Variants in NLGN4X observed in about 807,000 individuals in gnomAD.
The protein encoded by NLGN4X is neuroligin 4 X-linked.
Under a neutral mutation model 40.3 loss-of-function variants are expected in NLGN4X, and 3 were observed. The observed-to-expected ratio is 0.07, with a 90% CI of 0.03 to 0.19. The LOEUF (loss-of-function observed/expected upper bound fraction) is 0.19. NLGN4X is among the 10% of genes least tolerant of loss of function. The pLI, the probability that NLGN4X is intolerant of heterozygous loss-of-function variation, is 1.00. For missense variants in NLGN4X, 382 were observed against 708.3 expected, an observed-to-expected ratio of 0.54 and a Z score of 5.23; for synonymous variants, 270 against 306.8, an observed-to-expected ratio of 0.88 and a Z score of 1.25.
intron 2 of NLGN4X, among the ~76,000 whole-genome samples, chrX:6,141,752 G>A (rs1386724920): frequency 9.0e-6 from 1 of 111,320 alleles, no homozygotes; most frequent in African/African-American, 3.3e-5. Context: ...CTGGGAGGTG[G>A]AGGCTGCAGT....
At chrX:6,065,522 A>G (rs780261935) in intron 2 of NLGN4X, among the ~76,000 whole-genome samples, 2 of 111,711 alleles carry the variant, frequency 1.8e-5, no homozygotes, top group Non-Finnish European at 3.8e-5. Context: ...ACCGAACTGC[A>G]TATCATGACT....
chrX:5,891,208 A>G lies in NLGN4X; in HGVS notation c.*1609T>C, dbSNP rs1302395875. ...TCTCTGATCCCTAGGTCACCAATTT[A>G]AAATGGGTGAATAATTTCCATTCAA... On this transcript the variant is annotated 3_prime_UTR_variant, in exon 6 of 6. Transcript: ENST00000381095. 1.3e-5 allele frequency: 3 copies of G among 234,110 alleles called. No homozygotes were observed. The highest frequency in any genetic ancestry group is 8.9e-5 in the African/African-American group (3 of 33,723). 19.3% of individuals were successfully genotyped at this position (234,110 alleles called of 1,213,427 possible).
chrX:6,049,310 C>A (rs1027076655), intron 2 of NLGN4X, among the ~76,000 whole-genome samples: 2 of 88,203 alleles, frequency 2.3e-5, no homozygotes, highest in Non-Finnish European at 4.5e-5. Context: ...CTGCTCTGAT[C>A]CTGTTTTCCT....
chrX:5,918,903 G>C (rs1035263398), intron 3 of NLGN4X, among the ~76,000 whole-genome samples: 6 of 111,877 alleles, frequency 5.4e-5, no homozygotes, highest in Non-Finnish European at 1.1e-4. Flanking sequence ...TTTGATTTGA[G>C]AGCAGTTACA....
intron 2 of NLGN4X, among the ~76,000 whole-genome samples, chrX:6,148,750 G>A (rs1417242557): frequency 9.0e-6 from 1 of 111,551 alleles, no homozygotes; most frequent in African/African-American, 3.3e-5. Flanking sequence ...TCCTAACCAC[G>A]TGATCTGCCT....
At chrX:6,102,820 CAGATT>C (rs2038947281) in intron 2 of NLGN4X, among the ~76,000 whole-genome samples, 1 of 110,454 alleles carries the variant, frequency 9.1e-6, no homozygotes, top group Non-Finnish European at 1.9e-5. Flanking sequence ...AAGAAATCAA[CAGATT>C]AGATAGAGAG....
At chrX:5,950,224 T>C (rs914133550) in intron 3 of NLGN4X, among the ~76,000 whole-genome samples, 1 of 112,061 alleles carries the variant, frequency 8.9e-6, no homozygotes, top group African/African-American at 3.2e-5. Flanking sequence ...CATGTGGCTA[T>C]TGAGCACATA....
At chrX:6,032,593 T>C in intron 2 of NLGN4X, 1 of 490,873 alleles carries the variant, frequency 2.0e-6, no homozygotes, top group Non-Finnish European at 3.1e-6. Flanking sequence ...TAGTTTTAAA[T>C]AAGGGGAGAA....
At chrX:6,107,230 T>C (rs1224927196) in intron 2 of NLGN4X, among the ~76,000 whole-genome samples, 1 of 112,019 alleles carries the variant, frequency 8.9e-6, no homozygotes, top group Non-Finnish European at 1.9e-5. Context: ...GGTGATCTGC[T>C]CTGCCTAGAC....
intron 2 of NLGN4X, among the ~76,000 whole-genome samples, chrX:6,049,998 G>A (rs1175213818): frequency 9.0e-6 from 1 of 111,327 alleles, no homozygotes; most frequent in Non-Finnish European, 1.9e-5. Flanking sequence ...TTCAGCGCCA[G>A]GTAAATCCTG....
chrX:5,960,917 T>C (rs937654074), intron 3 of NLGN4X, among the ~76,000 whole-genome samples: 1 of 112,456 alleles, frequency 8.9e-6, no homozygotes, highest in Non-Finnish European at 1.9e-5. Context: ...TTTTACAAAA[T>C]TATTTTCTTC....
chrX:6,006,225 T>G (rs1439363168), intron 3 of NLGN4X, among the ~76,000 whole-genome samples: 1 of 110,991 alleles, frequency 9.0e-6, no homozygotes, highest in Non-Finnish European at 1.9e-5. Flanking sequence ...TTCTATGAGT[T>G]AATAATGATG....
At chrX:6,087,538 A>G (rs1046387897) in intron 2 of NLGN4X, among the ~76,000 whole-genome samples, 1 of 112,314 alleles carries the variant, frequency 8.9e-6, no homozygotes, top group African/African-American at 3.2e-5. Flanking sequence ...CCTGATGAGA[A>G]AAATTTCAGT....
intron 1 of NLGN4X, among the ~76,000 whole-genome samples, chrX:6,157,949 G>T (rs909918078): frequency 8.9e-6 from 1 of 111,864 alleles, no homozygotes; most frequent in East Asian, 2.8e-4. Context: ...TCTCATGAAG[G>T]TATCTATCCC....
chrX:5,908,538 T>C (rs1298296849), intron 4 of NLGN4X, among the ~76,000 whole-genome samples: 2 of 110,755 alleles, frequency 1.8e-5, no homozygotes, highest in East Asian at 5.6e-4. Flanking sequence ...AAAACAAAAG[T>C]GTCAGGACTT....
rs112073564 is a variant in NLGN4X, at chrX:5,977,388, T to C, written c.625+51892A>G. On this transcript the variant is annotated intron_variant, in intron 3 of 5. Transcript: ENST00000381095. Reference sequence around the variant, plus strand: ...GGCACATATCACCATGCCTGGCTAATTTTTCATTTTTTTTTTAGAGATGGG... The same window carrying C: ...GGCACATATCACCATGCCTGGCTAACTTTTCATTTTTTTTTTAGAGATGGG... Among the ~76,000 whole-genome samples the C allele has an allele frequency of 8.8e-3, 966 of 109,541 alleles. 10 individuals are homozygous for C. The highest frequency in any genetic ancestry group is 0.031 in the African/African-American group (931 of 30,046).
At chrX:5,969,129 T>C (rs1190891237) in intron 3 of NLGN4X, among the ~76,000 whole-genome samples, 3 of 110,106 alleles carry the variant, frequency 2.7e-5, no homozygotes, top group Non-Finnish European at 3.8e-5. Context: ...ACTTCATGTC[T>C]AAAACACCAA....
intron 3 of NLGN4X, among the ~76,000 whole-genome samples, chrX:5,939,443 A>C (rs1312601822): frequency 1.8e-5 from 2 of 111,159 alleles, no homozygotes; most frequent in African/African-American, 3.3e-5. Context: ...GGTTAATGCT[A>C]ATGTGCACTC....
intron 3 of NLGN4X, among the ~76,000 whole-genome samples, chrX:5,972,359 A>C (rs1466320510): frequency 9.0e-6 from 1 of 111,378 alleles, no homozygotes; most frequent in Admixed American, 9.5e-5. Context: ...TAACTAAGGA[A>C]AACTATGCCC....
Sources: gnomAD v4.1 joint callset for allele counts (sites outside exome capture counted in the v4.1 genomes callset) on GRCh38, gnomAD v4.1.1 for gene constraint, MANE v1.5 for transcripts, NCBI Gene and HGNC (gene_info 2026-07-23, HGNC 2026-07-21) for gene names.